Variants in RBKS observed in about 807,000 individuals in gnomAD.
The protein encoded by RBKS is ribokinase.
In RBKS, 33 loss-of-function variants were observed where a neutral mutation model predicts 33.9. That is an observed-to-expected ratio of 0.97 (90% CI 0.74 to 1.30). RBKS has a LOEUF of 1.30. RBKS is among the 50% of genes most tolerant of loss of function. The pLI is 0.00. For missense variants in RBKS, 361 were observed against 392.6 expected (o/e 0.92, Z 0.68); for synonymous variants, 125 against 143.0 (o/e 0.87, Z 0.90).
At position 27,788,501 on chromosome 2, in the gene RBKS, C is replaced by T. The variant is rs187017314; in HGVS notation, c.796-6713G>A. Among the ~76,000 whole-genome samples the T allele has an allele frequency of 5.9e-5, 9 of 152,170 alleles. No individual in the cohort carries two copies. The East Asian group carries it at 1.4e-3, about 23-fold the overall frequency. The stretch of plus-strand genomic sequence containing the variant: ...CGGGTGGATAACAAGGTCAGGAGAT[C>T]GAGACCATCCTGGCTAACATGGTGA... On this transcript the variant is annotated intron_variant, in intron 7 of 7. Transcript: ENST00000302188.
intron 7 of RBKS, among the ~76,000 whole-genome samples, chr2:27,791,648 T>C (rs1297854977): frequency 0.044 from 2,274 of 51,206 alleles, 39 homozygotes; most frequent in African/African-American, 0.092. Flanking sequence ...ACACACTAAA[T>C]ATACATATAC....
At chr2:27,872,192 C>A (rs568850937) in intron 1 of RBKS, among the ~76,000 whole-genome samples, 1 of 152,232 alleles carries the variant, frequency 6.6e-6, no homozygotes, top group African/African-American at 2.4e-5. Context: ...GGGTTGGGGA[C>A]CCCTGCTCTA....
chr2:27,791,243 C>A (rs1305323838), intron 7 of RBKS, among the ~76,000 whole-genome samples: 5 of 151,980 alleles, frequency 3.3e-5, no homozygotes, highest in African/African-American at 1.2e-4. Context: ...TGAATGATGC[C>A]CACATAGCTG....
intron 5 of RBKS, among the ~76,000 whole-genome samples, chr2:27,835,491 T>G (rs1678501560): frequency 1.6e-5 from 2 of 129,024 alleles, no homozygotes; most frequent in Admixed American, 1.8e-4. Flanking sequence ...CAATCTTGGC[T>G]CACTGCAACC....
intron 2 of RBKS, among the ~76,000 whole-genome samples, chr2:27,855,583 A>C (rs141691284): frequency 1.3e-5 from 2 of 152,338 alleles, no homozygotes; most frequent in African/African-American, 4.8e-5. Context: ...CCCTGGGAGG[A>C]AGACTTTCAT....
chr2:27,861,259 C>T (rs912358950), intron 1 of RBKS, among the ~76,000 whole-genome samples: 2 of 151,962 alleles, frequency 1.3e-5, no homozygotes, highest in East Asian at 1.9e-4. Context: ...TGAGCCACCG[C>T]GCCCAGCCTC....
chr2:27,789,931 A>G (rs1169419573), intron 7 of RBKS, among the ~76,000 whole-genome samples: 4 of 137,080 alleles, frequency 2.9e-5, no homozygotes, highest in South Asian at 4.4e-4. Context: ...GTGTGTATAT[A>G]TATATATATG....
intron 1 of RBKS, among the ~76,000 whole-genome samples, chr2:27,872,688 C>CA (rs1484658699): frequency 1.3e-5 from 2 of 151,788 alleles, no homozygotes; most frequent in Non-Finnish European, 2.9e-5. Flanking sequence ...TACATAAAAC[C>CA]AAAAAAATAT....
chr2:27,833,739 G>GTAAAT (rs1678466853), intron 5 of RBKS, among the ~76,000 whole-genome samples: 2 of 152,112 alleles, frequency 1.3e-5, no homozygotes, highest in Non-Finnish European at 2.9e-5. Flanking sequence ...CTTTGGTTTG[G>GTAAAT]GACTTCGTAA....
At position 27,827,709 on chromosome 2, in the gene RBKS, C is replaced by T. The variant is rs1191861234; in HGVS notation, c.653G>A (p.Gly218Glu). Residue 218 changes from glycine (G) to glutamate (E), a missense_variant, in exon 7 of 8, where the codon GGG (glycine) becomes GAG (glutamate). Physicochemically the swap from Gly to Glu is moderately conservative, Grantham distance 98 (BLOSUM62 -2). Transcript: ENST00000302188. ...TTTCAAGAGCACTAATGCAGCCTCCCCAGCATCTGCAGCGCTGCCCACCGT... is the reference window on the plus strand; with the variant it reads ...TTTCAAGAGCACTAATGCAGCCTCCTCAGCATCTGCAGCGCTGCCCACCGT... ...GLTVGSAADAGEAALVLLKRG... is the reference protein window; with the variant it reads ...GLTVGSAADAEEAALVLLKRG... 6.2e-7 allele frequency: 1 copy of T among 1,612,586 alleles called. No individual in the cohort carries two copies. Among genetic ancestry groups the T allele is most frequent in the South Asian group, 1.1e-5 (1 of 90,852 alleles).
At chr2:27,887,365 G>C (rs1273247772) in intron 1 of RBKS, among the ~76,000 whole-genome samples, 1 of 152,172 alleles carries the variant, frequency 6.6e-6, no homozygotes. Flanking sequence ...AGCCCAGTGA[G>C]ACCTGTATCA....
rs150219175 is a variant in RBKS at position 27,838,486 on chromosome 2, C to T, written c.514+4581G>A. 1.3e-4 allele frequency among the ~76,000 whole-genome samples: 20 copies of T among 152,208 alleles called. 1 individual carries two copies. The East Asian group carries it at 3.7e-3, about 28-fold the overall frequency. On this transcript the variant is annotated intron_variant, in intron 5 of 7. Coordinates refer to ENST00000302188, the MANE Select transcript of RBKS (RefSeq NM_022128.3). ...ACTGTAAATACTGTATAAAAATCAA[C>T]CTTATTTGCCTGTACTTTACTGAGG...
At chr2:27,867,365 T>TG (rs1664122354) in intron 1 of RBKS, among the ~76,000 whole-genome samples, 1 of 152,070 alleles carries the variant, frequency 6.6e-6, no homozygotes, top group African/African-American at 2.4e-5. Flanking sequence ...AATAATACAA[T>TG]GGGGTGAGAA....
At chr2:27,881,178 G>C (rs1273256505) in intron 1 of RBKS, among the ~76,000 whole-genome samples, 2 of 152,134 alleles carry the variant, frequency 1.3e-5, no homozygotes, top group African/African-American at 2.4e-5. Flanking sequence ...GAGCCTGGAA[G>C]TTGAGGCTGC....
chr2:27,820,981 G>A (rs986125911), intron 7 of RBKS, among the ~76,000 whole-genome samples: 6 of 148,170 alleles, frequency 4.0e-5, no homozygotes, highest in African/African-American at 7.5e-5. Flanking sequence ...CAGAGGTTGC[G>A]GTGAGCCGAG....
chr2:27,827,485 AAAAATTCAGGTACAGCATCT>A (rs1678334182), intron 7 of RBKS, 62 bp downstream of exon 7: 6 of 1,294,804 alleles, frequency 4.6e-6, no homozygotes, highest in African/African-American at 4.5e-5. Flanking sequence ...TTCATTATCC[AAAAATTCAGGTACAGCATCT>A]AATTAGTTAC....
intron 7 of RBKS, among the ~76,000 whole-genome samples, chr2:27,791,037 A>C (rs1677511664): frequency 2.0e-5 from 3 of 152,246 alleles, no homozygotes; most frequent in Admixed American, 2.0e-4. Context: ...GTAGAACTGA[A>C]GAATGGATAA....
At chr2:27,787,663 C>A (rs1324781002) in intron 7 of RBKS, among the ~76,000 whole-genome samples, 1 of 152,158 alleles carries the variant, frequency 6.6e-6, no homozygotes, top group East Asian at 1.9e-4. Context: ...GCTGGATAAT[C>A]CTTGCAAACA....
intron 1 of RBKS, among the ~76,000 whole-genome samples, chr2:27,873,543 G>A (rs1444941049): frequency 6.6e-6 from 1 of 152,142 alleles, no homozygotes; most frequent in Non-Finnish European, 1.5e-5. Context: ...TTTTGGCAGA[G>A]TATTTGGTTG....
Sources: allele counts gnomAD v4.1 joint callset (sites outside exome capture counted in the v4.1 genomes callset), GRCh38; gene constraint gnomAD v4.1.1; transcripts MANE v1.5; gene names NCBI Gene and HGNC (gene_info 2026-07-23, HGNC 2026-07-21).